CPPED1: variants seen among roughly 807,000 people sequenced by gnomAD.
CPPED1 encodes the protein calcineurin like phosphoesterase domain containing 1, also known as serine/threonine-protein phosphatase CPPED1.
In CPPED1, 28 loss-of-function variants were observed where a neutral mutation model predicts 28.0. The ratio of observed to expected loss-of-function variants is 1.00; its 90% confidence interval spans 0.74 to 1.37. The LOEUF is 1.37. CPPED1 is among the 40% of genes most tolerant of loss of function. CPPED1 has a pLI of 0.00. For missense variants in CPPED1, 504 were observed against 416.5 expected (o/e 1.21, Z -1.83); for synonymous variants, 198 against 180.2 (o/e 1.10, Z -0.79).
intron 1 of CPPED1, among the ~76,000 whole-genome samples, chr16:12,783,460 C>A (rs895316113): frequency 1.8e-4 from 28 of 152,166 alleles, no homozygotes; most frequent in Non-Finnish European, 3.7e-4. Context: ...AATCATGCCA[C>A]TGCACTCCAG....
chr16:12,683,202 C>T (rs868260512), intron 3 of CPPED1, among the ~76,000 whole-genome samples: 33 of 152,120 alleles, frequency 2.2e-4, no homozygotes, highest in African/African-American at 8.0e-4. Context: ...AATAACTGGG[C>T]CAAGAAAAAT....
intron 2 of CPPED1, among the ~76,000 whole-genome samples, chr16:12,736,109 T>C (rs1356042071): frequency 1.3e-5 from 2 of 152,142 alleles, no homozygotes; most frequent in Admixed American, 1.3e-4. Context: ...GAGCAGGGCA[T>C]GGGGCAGTCC....
intron 2 of CPPED1, among the ~76,000 whole-genome samples, chr16:12,773,985 G>A (rs73508428): frequency 1.3e-5 from 2 of 152,278 alleles, no homozygotes; most frequent in African/African-American, 4.8e-5. Flanking sequence ...TGGAATACCT[G>A]CCTCAGCTGT....
Position 12,803,519 on chromosome 16 carries a change from G to A in CPPED1, c.70+188C>T, listed in dbSNP as rs531678709. On this transcript the variant is annotated intron_variant, in intron 1 of 3. Coordinates refer to ENST00000381774, the MANE Select transcript of CPPED1 (RefSeq NM_018340.3). ...GCTCCTAGACCAGATCGCTCTCTCG[G>A]CCTCGCCTCTCAACTGCGCCCCTGG... Among the ~76,000 whole-genome samples the A allele has an allele frequency of 2.4e-4, 37 of 152,316 alleles. No individual in the cohort carries two copies. The East Asian group carries it at 6.8e-3, about 28-fold the overall frequency.
intron 1 of CPPED1, among the ~76,000 whole-genome samples, chr16:12,792,152 C>T (rs2080600430): frequency 6.6e-6 from 1 of 152,100 alleles, no homozygotes; most frequent in Non-Finnish European, 1.5e-5. Flanking sequence ...GAGGTTTCAC[C>T]ATGTTGGCCA....
Position 12,660,176 on chromosome 16 carries a change from A to C in CPPED1, c.*4710T>G, listed in dbSNP as rs1328662596. 2 of 152,222 alleles carry C rather than the reference A, an allele frequency of 1.3e-5. No individual in the cohort carries two copies. Among genetic ancestry groups the C allele is most frequent in the African/African-American group, 4.8e-5 (2 of 41,456 alleles). 9.4% of individuals were successfully genotyped at this position (152,222 alleles called of 1,614,324 possible). ...CTTTCAGGGGTGAGCGTTTGAGTGG[A>C]TGTTGAAATGATGACAAGAAGCCAG... On this transcript the variant is annotated 3_prime_UTR_variant, in exon 4 of 4. Transcript: ENST00000381774.
chr16:12,780,344 T>A (rs2080522583), intron 2 of CPPED1, among the ~76,000 whole-genome samples: 1 of 151,996 alleles, frequency 6.6e-6, no homozygotes, highest in African/African-American at 2.4e-5. Context: ...TCTGGCTAAT[T>A]TTTGTATTTT....
intron 3 of CPPED1, among the ~76,000 whole-genome samples, chr16:12,690,486 C>A (rs1291083164): frequency 2.7e-5 from 4 of 150,454 alleles, no homozygotes; most frequent in African/African-American, 4.9e-5. Context: ...TGCACTCCAG[C>A]CTGGGCAATA....
Position 12,730,902 on chromosome 16 carries a change from TG to T in CPPED1, c.290-25854del, listed in dbSNP as rs139453433. 2.0e-5 allele frequency among the ~76,000 whole-genome samples: 3 copies of T among 152,272 alleles called. No individual in the cohort carries two copies. In the East Asian group the frequency reaches 5.8e-4, roughly 29 times the overall value. ...TTCACATTACCCGCATTTTAGTTCC[TG>T]AGAAACCTCAATTTTTAGCTATCCT... On this transcript the variant is annotated intron_variant, in intron 2 of 3. Coordinates refer to ENST00000381774, the MANE Select transcript of CPPED1 (RefSeq NM_018340.3).
chr16:12,801,487 C>T (rs937713017), intron 1 of CPPED1, among the ~76,000 whole-genome samples: 1 of 151,938 alleles, frequency 6.6e-6, no homozygotes, highest in African/African-American at 2.4e-5. Flanking sequence ...TAACAGGGAA[C>T]TCTCATATAC....
chr16:12,723,040 C>T lies in CPPED1; in HGVS notation c.290-17991G>A, dbSNP rs983229828. On this transcript the variant is annotated intron_variant, in intron 2 of 3. Transcript: ENST00000381774. ...GGGCTCTCTCAGAATCCTTCCTCAT[C>T]AGTCCAGGCTTTCTGATGAGAACAG... Among the ~76,000 whole-genome samples, 13 of 152,170 alleles carry T rather than the reference C, an allele frequency of 8.5e-5. No individual in the cohort carries two copies. The East Asian group carries it at 2.3e-3, about 27-fold the overall frequency.
chr16:12,731,106 G>A (rs538816090), intron 2 of CPPED1, among the ~76,000 whole-genome samples: 7 of 151,414 alleles, frequency 4.6e-5, no homozygotes, highest in African/African-American at 1.7e-4. Flanking sequence ...CCAGGAGTTC[G>A]AGACCAGCCT....
intron 3 of CPPED1, among the ~76,000 whole-genome samples, chr16:12,684,939 G>C (rs9925657): frequency 6.6e-6 from 1 of 152,220 alleles, no homozygotes; most frequent in East Asian, 1.9e-4. Flanking sequence ...TCTCCCCTTC[G>C]TTGATATTAT....
At chr16:12,721,564 C>A (rs1231225323) in intron 2 of CPPED1, among the ~76,000 whole-genome samples, 1 of 152,016 alleles carries the variant, frequency 6.6e-6, no homozygotes, top group Non-Finnish European at 1.5e-5. Flanking sequence ...ACCAGCCTGA[C>A]CAACATGGTG....
chr16:12,778,257 TC>T (rs1238901541), intron 2 of CPPED1, among the ~76,000 whole-genome samples: 24 of 149,498 alleles, frequency 1.6e-4, no homozygotes, highest in African/African-American at 5.4e-4. Context: ...TATTTTCTTT[TC>T]TTTTTTCTTT....
At chr16:12,696,589 T>G (rs538987179) in intron 3 of CPPED1, among the ~76,000 whole-genome samples, 141 of 151,866 alleles carry the variant, frequency 9.3e-4, no homozygotes, top group African/African-American at 3.2e-3. Flanking sequence ...TTACAGGCAC[T>G]CACCACCACG....
chr16:12,683,033 G>A (rs2141173338), intron 3 of CPPED1, among the ~76,000 whole-genome samples: 1 of 152,342 alleles, frequency 6.6e-6, no homozygotes, highest in East Asian at 1.9e-4. Flanking sequence ...AGACAGACGT[G>A]GCGGCCAGCC....
chr16:12,720,540 T>G (rs2080134165), intron 2 of CPPED1, among the ~76,000 whole-genome samples: 1 of 152,238 alleles, frequency 6.6e-6, no homozygotes, highest in South Asian at 2.1e-4. Flanking sequence ...CAGGCTGGAG[T>G]GCACTGGCGC....
intron 2 of CPPED1, among the ~76,000 whole-genome samples, chr16:12,723,115 G>A (rs920468447): frequency 6.6e-6 from 1 of 152,054 alleles, no homozygotes; most frequent in South Asian, 2.1e-4. Context: ...CCGTATGTGC[G>A]CACACACACC....
Sources: allele counts gnomAD v4.1 joint callset (sites outside exome capture counted in the v4.1 genomes callset), GRCh38; gene constraint gnomAD v4.1.1; transcripts MANE v1.5; gene names NCBI Gene and HGNC (gene_info 2026-07-23, HGNC 2026-07-21).